Variants in IL1RAPL1 observed in about 807,000 individuals in gnomAD.
IL1RAPL1 encodes the protein interleukin-1 receptor accessory protein-like 1.
A neutral mutation model predicts 48.4 loss-of-function variants in IL1RAPL1; 3 were observed. The observed-to-expected ratio is 0.06, with a 90% CI of 0.03 to 0.16. The LOEUF (loss-of-function observed/expected upper bound fraction) is 0.16, where lower values mean the gene tolerates loss of function less well. Among genes scored for constraint, IL1RAPL1 ranks in the 10% least tolerant of loss-of-function variants. The pLI is 1.00. For missense variants in IL1RAPL1, 349 were observed against 530.6 expected, an observed-to-expected ratio of 0.66 and a Z score of 3.36; for synonymous variants, 185 against 187.7, an observed-to-expected ratio of 0.99 and a Z score of 0.12.
chrX:29,872,704 C>G (rs1334457463), intron 6 of IL1RAPL1, among the ~76,000 whole-genome samples: 1 of 111,486 alleles, frequency 9.0e-6, no homozygotes, highest in East Asian at 2.8e-4. Flanking sequence ...TTCTTTTTGC[C>G]TCAATGAGCT....
intron 2 of IL1RAPL1, among the ~76,000 whole-genome samples, chrX:29,238,560 C>T (rs1047511664): frequency 2.7e-5 from 3 of 111,032 alleles, no homozygotes; most frequent in Non-Finnish European, 5.7e-5. Context: ...ACTGTTTACT[C>T]GATTACATCT....
In IL1RAPL1 at chrX:29,535,134, C is replaced by CAAAAAAA. The variant is rs35842937; in HGVS notation, c.704-133274_704-133268dup. Among the ~76,000 whole-genome samples, 68 of 22,579 alleles carry CAAAAAAA rather than the reference C, an allele frequency of 3.0e-3. 7 individuals are homozygous for CAAAAAAA. Among genetic ancestry groups the CAAAAAAA allele is most frequent in the African/African-American group, 0.013 (66 of 5,147 alleles). The allele number at this position is 22,579 out of a possible 115,157, so 19.6% of individuals were successfully genotyped here. A position where few individuals can be genotyped will look rare whatever the true frequency, so the allele number is the denominator to read the frequency against. On this transcript the variant is annotated intron_variant, in intron 5 of 10. Transcript: ENST00000378993. ...GGGCAATGGAGTCAGACTCTGTCTC[C>CAAAAAAA]AAAAAAAAAAAAAAAAAAAAAAAAA...
intron 2 of IL1RAPL1, among the ~76,000 whole-genome samples, chrX:29,022,657 A>G (rs964916647): frequency 8.9e-6 from 1 of 111,797 alleles, no homozygotes; most frequent in Non-Finnish European, 1.9e-5. Context: ...TCTGAAATTC[A>G]TTAAAAAATA....
Position 29,801,061 on chromosome X carries a change from A to AC in IL1RAPL1, c.779-116403_779-116402insC, listed in dbSNP as rs1167870663. ...TCTCCGTCTCAAAAAAAAAAAAAAA[A>AC]AAAAAAAAAAAAAAAAAAACTCATC... On this transcript the variant is annotated intron_variant, in intron 6 of 10. Transcript: ENST00000378993. 5.1e-4 allele frequency among the ~76,000 whole-genome samples: 44 copies of AC among 86,499 alleles called. 1 individual carries two copies. Among genetic ancestry groups the AC allele is most frequent in the African/African-American group, 1.8e-3 (41 of 22,399 alleles). The allele number at this position is 86,499 out of a possible 115,157, so 75.1% of individuals were successfully genotyped here.
chrX:29,193,410 T>C (rs1189564979), intron 2 of IL1RAPL1, among the ~76,000 whole-genome samples: 1 of 111,208 alleles, frequency 9.0e-6, no homozygotes, highest in Non-Finnish European at 1.9e-5. Context: ...TATTCATCAA[T>C]AGAAACTGCA....
At chrX:29,476,798 A>G (rs955320997) in intron 5 of IL1RAPL1, among the ~76,000 whole-genome samples, 3 of 108,114 alleles carry the variant, frequency 2.8e-5, no homozygotes, top group African/African-American at 1.0e-4. Flanking sequence ...TTTCATTTAT[A>G]TAGCACTTCC....
intron 2 of IL1RAPL1, among the ~76,000 whole-genome samples, chrX:28,929,292 C>G (rs1923822110): frequency 8.9e-6 from 1 of 111,874 alleles, no homozygotes; most frequent in Non-Finnish European, 1.9e-5. Context: ...AGGTACAATT[C>G]AAATACAATA....
chrX:29,898,758 G>A (rs919715426), intron 6 of IL1RAPL1, among the ~76,000 whole-genome samples: 2 of 111,963 alleles, frequency 1.8e-5, no homozygotes, highest in African/African-American at 6.5e-5. Context: ...CTAAAGACAA[G>A]AAGACAGTTA....
intron 2 of IL1RAPL1, among the ~76,000 whole-genome samples, chrX:28,822,068 G>A (rs1322418084): frequency 9.1e-6 from 1 of 110,284 alleles, no homozygotes; most frequent in East Asian, 2.9e-4. Context: ...GATTGACTTG[G>A]AAGATACTAA....
chrX:29,784,010 C>G (rs759881038), intron 6 of IL1RAPL1, among the ~76,000 whole-genome samples: 17 of 111,570 alleles, frequency 1.5e-4, no homozygotes, highest in African/African-American at 5.2e-4. Context: ...TTACAGAATA[C>G]AGTTGAAGTC....
At chrX:29,671,979 T>C (rs758401893) in intron 6 of IL1RAPL1, among the ~76,000 whole-genome samples, 1 of 112,286 alleles carries the variant, frequency 8.9e-6, no homozygotes, top group South Asian at 3.6e-4. Context: ...TAAAGGTTAA[T>C]GGTAGAAATT....
intron 5 of IL1RAPL1, among the ~76,000 whole-genome samples, chrX:29,597,587 C>T (rs1197899857): frequency 8.9e-6 from 1 of 112,111 alleles, no homozygotes; most frequent in Admixed American, 9.4e-5. Context: ...TTCCCTCTTT[C>T]TCTGTCCTGT....
In IL1RAPL1 at chrX:28,936,135, C is replaced by A. The variant is rs555479286; in HGVS notation, c.82+146710C>A. ...AATTTAAAGACTAGTAATTGATAGTCTCTATCCCTCATGCTGAATCGAGCA... is the reference window on the plus strand; with the variant it reads ...AATTTAAAGACTAGTAATTGATAGTATCTATCCCTCATGCTGAATCGAGCA... On this transcript the variant is annotated intron_variant, in intron 2 of 10. Transcript: ENST00000378993. Among the ~76,000 whole-genome samples, 810 of 111,268 alleles carry A rather than the reference C, an allele frequency of 7.3e-3. 6 individuals are homozygous for A. The highest frequency in any genetic ancestry group is 0.011 in the Non-Finnish European group (580 of 53,046).
chrX:29,053,149 T>C (rs138611507), intron 2 of IL1RAPL1, among the ~76,000 whole-genome samples: 59 of 111,254 alleles, frequency 5.3e-4, no homozygotes, highest in Non-Finnish European at 8.5e-4. Context: ...TGTTCCTCTG[T>C]TAGTTTGCTA....
rs1211275799 is a variant in IL1RAPL1 at position 28,939,384 on chromosome X, A to G, written c.82+149959A>G. ...GAGTGATATCATGTCTTTTGCAGAA[A>G]CTAGGATGGAGATGAAGGCCATTAT... On this transcript the variant is annotated intron_variant, in intron 2 of 10. Transcript: ENST00000378993. 5.4e-5 allele frequency among the ~76,000 whole-genome samples: 6 copies of G among 111,149 alleles called. No homozygotes were observed. The South Asian group carries it at 2.3e-3, about 42-fold the overall frequency.
At chrX:28,948,051 A>G (rs16988388) in intron 2 of IL1RAPL1, among the ~76,000 whole-genome samples, 3,139 of 110,974 alleles carry the variant, frequency 0.028, 120 homozygotes, top group African/African-American at 0.095. Flanking sequence ...AGCTTGAGTT[A>G]ATCAGCTTGT....
At chrX:28,669,694 TA>T (rs1273382376) in intron 1 of IL1RAPL1, among the ~76,000 whole-genome samples, 2 of 104,428 alleles carry the variant, frequency 1.9e-5, no homozygotes, top group African/African-American at 3.4e-5. Flanking sequence ...TATAATTTTA[TA>T]TATAAATTAT....
chrX:28,933,129 G>A (rs1041809552), intron 2 of IL1RAPL1, among the ~76,000 whole-genome samples: 2 of 111,996 alleles, frequency 1.8e-5, no homozygotes, highest in Non-Finnish European at 3.8e-5. Context: ...TTAACCATGT[G>A]TTAATTATAT....
At chrX:28,994,428 G>A (rs746050399) in intron 2 of IL1RAPL1, among the ~76,000 whole-genome samples, 233 of 111,404 alleles carry the variant, frequency 2.1e-3, no homozygotes, top group Non-Finnish European at 3.1e-3. Context: ...GAAGACAGCC[G>A]AAAGAGTGGG....
Sources: allele counts gnomAD v4.1 joint callset (sites outside exome capture counted in the v4.1 genomes callset), GRCh38; gene constraint gnomAD v4.1.1; transcripts MANE v1.5; gene names NCBI Gene and HGNC (gene_info 2026-07-23, HGNC 2026-07-21).